ERBB4: variants seen among roughly 807,000 people sequenced by gnomAD.
ERBB4 encodes receptor tyrosine-protein kinase erbB-4.
ERBB4 carries 42 observed loss-of-function variants against 158.0 expected under a neutral mutation model. The ratio of observed to expected loss-of-function variants is 0.27; its 90% CI spans 0.21 to 0.34. The LOEUF is 0.34. Ranked by LOEUF, ERBB4 falls within the 10% of genes least tolerant of loss-of-function variation. ERBB4 has a pLI of 1.00. For synonymous variants in ERBB4, 583 were observed against 558.7 expected (o/e 1.04, Z -0.61); for missense variants, 1,333 against 1,624.1 (o/e 0.82, Z 3.08).
intron 5 of ERBB4, among the ~76,000 whole-genome samples, chr2:211,739,441 A>G (rs1474032268): frequency 6.6e-6 from 1 of 152,144 alleles, no homozygotes; most frequent in Non-Finnish European, 1.5e-5. Context: ...CCACAAGGTT[A>G]TTCTTTTCAA....
At chr2:212,256,823 T>G (rs1421428541) in intron 1 of ERBB4, among the ~76,000 whole-genome samples, 1 of 152,150 alleles carries the variant, frequency 6.6e-6, no homozygotes, top group African/African-American at 2.4e-5. Flanking sequence ...CCAGATAAAA[T>G]ATTTTTCTTT....
At chr2:211,592,234 G>T (rs1348882538) in intron 19 of ERBB4, among the ~76,000 whole-genome samples, 1 of 152,174 alleles carries the variant, frequency 6.6e-6, no homozygotes, top group Non-Finnish European at 1.5e-5. Context: ...GGAACTGCGG[G>T]TATTGCTCGC....
At chr2:212,100,417 AT>A (rs546470709) in intron 2 of ERBB4, among the ~76,000 whole-genome samples, 196 of 152,268 alleles carry the variant, frequency 1.3e-3, no homozygotes, top group African/African-American at 4.6e-3. Context: ...AATAAATAGC[AT>A]TTTTAATTGG....
intron 12 of ERBB4, among the ~76,000 whole-genome samples, chr2:211,697,342 T>G (rs1321177434): frequency 1.3e-5 from 2 of 152,148 alleles, no homozygotes; most frequent in Non-Finnish European, 2.9e-5. Flanking sequence ...GTTAAAAATT[T>G]CAATATTGTT....
At chr2:212,053,865 C>A (rs535379005) in intron 2 of ERBB4, among the ~76,000 whole-genome samples, 1 of 152,290 alleles carries the variant, frequency 6.6e-6, no homozygotes, top group South Asian at 2.1e-4. Flanking sequence ...CTTAGGCCTA[C>A]ATCACCCTGC....
intron 3 of ERBB4, among the ~76,000 whole-genome samples, chr2:211,846,052 G>GTTTTTTTTTTTTTTTTTTTTTTTT (rs5838288): frequency 6.9e-6 from 1 of 145,666 alleles, no homozygotes. Flanking sequence ...GTTAATTGTT[G>GTTTTTTTTTTTTTTTTTTTTTTTT]TTTTTTTTTT....
chr2:211,988,003 T>C (rs978497818), intron 2 of ERBB4, among the ~76,000 whole-genome samples: 8 of 152,174 alleles, frequency 5.3e-5, no homozygotes, highest in African/African-American at 1.9e-4. Flanking sequence ...ATTTCTGGTA[T>C]TTATAACTTT....
At chr2:211,729,518 T>G (rs756782091) in intron 5 of ERBB4, among the ~76,000 whole-genome samples, 5 of 151,736 alleles carry the variant, frequency 3.3e-5, no homozygotes, top group Non-Finnish European at 7.4e-5. Flanking sequence ...TTTCTTTATA[T>G]TATTATATGA....
In ERBB4 at chr2:212,255,400, A is replaced by G. The variant is rs184547533; in HGVS notation, c.83-130497T>C. On this transcript the variant is annotated intron_variant, in intron 1 of 27. Coordinates refer to ENST00000342788, the MANE Select transcript of ERBB4 (RefSeq NM_005235.3). The stretch of plus-strand genomic sequence containing the variant: ...TAAAAATCCATAATATTATACTACA[A>G]GGGCACAGTTTACCTAATCTGCCAA... Among the ~76,000 whole-genome samples, 25 of 152,286 alleles carry G rather than the reference A, an allele frequency of 1.6e-4. 1 individual carries two copies. In the East Asian group the frequency reaches 4.2e-3, roughly 26 times the overall value.
intron 3 of ERBB4, among the ~76,000 whole-genome samples, chr2:211,855,910 A>T (rs1198495315): frequency 6.6e-6 from 1 of 152,188 alleles, no homozygotes; most frequent in Non-Finnish European, 1.5e-5. Flanking sequence ...TTATGTATGT[A>T]GAAAAATAAA....
At chr2:212,523,991 C>A (rs1444841621) in intron 1 of ERBB4, among the ~76,000 whole-genome samples, 1 of 151,942 alleles carries the variant, frequency 6.6e-6, no homozygotes, top group Non-Finnish European at 1.5e-5. Flanking sequence ...TTCTCCAAGG[C>A]TATACAGAAC....
intron 1 of ERBB4, among the ~76,000 whole-genome samples, chr2:212,435,294 C>G (rs2092113771): frequency 1.3e-5 from 2 of 151,898 alleles, no homozygotes; most frequent in Non-Finnish European, 2.9e-5. Flanking sequence ...CCAAGTATTT[C>G]TTTTCTAGCT....
At chr2:211,426,391 G>A (rs921490535) in intron 22 of ERBB4, among the ~76,000 whole-genome samples, 5 of 152,130 alleles carry the variant, frequency 3.3e-5, no homozygotes, top group Non-Finnish European at 5.9e-5. Context: ...TGTAAACAAG[G>A]TTATGCAACT....
intron 25 of ERBB4, among the ~76,000 whole-genome samples, chr2:211,409,014 G>C (rs112122313): frequency 2.0e-5 from 3 of 152,002 alleles, no homozygotes; most frequent in East Asian, 1.9e-4. Context: ...AACGAAAAAG[G>C]CTTCATAAAA....
At chr2:212,232,336 T>G (rs1344310874) in intron 1 of ERBB4, among the ~76,000 whole-genome samples, 2 of 152,190 alleles carry the variant, frequency 1.3e-5, no homozygotes, top group African/African-American at 2.4e-5. Context: ...AAATAAAGGC[T>G]TTGAAGGAAA....
chr2:211,866,096 A>T (rs2078198972), intron 3 of ERBB4, among the ~76,000 whole-genome samples: 1 of 152,060 alleles, frequency 6.6e-6, no homozygotes, highest in African/African-American at 2.4e-5. Flanking sequence ...CTAAAAATAC[A>T]AAAAATTAAC....
intron 12 of ERBB4, among the ~76,000 whole-genome samples, chr2:211,691,566 A>ATGTGTG (rs1491273640): frequency 1.8e-3 from 160 of 87,984 alleles, no homozygotes; most frequent in African/African-American, 7.0e-3. Context: ...GCATAGAAAC[A>ATGTGTG]TATGTGTGTG....
intron 2 of ERBB4, among the ~76,000 whole-genome samples, chr2:211,978,694 A>C (rs1407018343): frequency 2.0e-5 from 3 of 152,142 alleles, no homozygotes; most frequent in African/African-American, 7.2e-5. Flanking sequence ...TTAGTGTTGA[A>C]CTGTTAAAGC....
At chr2:211,659,523 G>T (rs13405349) in intron 15 of ERBB4, among the ~76,000 whole-genome samples, 11,194 of 151,658 alleles carry the variant, frequency 0.074, 627 homozygotes, top group Non-Finnish European at 0.11. Context: ...TTATTTTTAT[G>T]CCATATTATC....
Sources: allele counts gnomAD v4.1 joint callset (sites outside exome capture counted in the v4.1 genomes callset), GRCh38; gene constraint gnomAD v4.1.1; transcripts MANE v1.5; gene names NCBI Gene and HGNC (gene_info 2026-07-23, HGNC 2026-07-21).